The following PPP2R2B variants were observed in gnomAD, a reference collection of about 807,000 sequenced individuals.
The protein encoded by PPP2R2B is serine/threonine-protein phosphatase 2A 55 kDa regulatory subunit B beta isoform.
PPP2R2B carries 5 observed loss-of-function variants against 46.0 expected under a neutral mutation model. The ratio of observed to expected loss-of-function variants is 0.11; its 90% CI spans 0.06 to 0.23. The LOEUF (loss-of-function observed/expected upper bound fraction) is 0.23. PPP2R2B is among the 10% of genes least tolerant of loss of function. The pLI is 1.00. For missense variants in PPP2R2B, 367 were observed against 575.0 expected (o/e 0.64, Z 3.70); for synonymous variants, 215 against 206.7 (o/e 1.04, Z -0.34).
chr5:146,973,111 GT>G (rs1752739202), intron 1 of PPP2R2B, among the ~76,000 whole-genome samples: 1 of 152,056 alleles, frequency 6.6e-6, no homozygotes, highest in Non-Finnish European at 1.5e-5. Context: ...GTTATGTTAT[GT>G]CTTTGATCTA....
chr5:146,827,398 A>T (rs1280268373), intron 2 of PPP2R2B, among the ~76,000 whole-genome samples: 1 of 151,724 alleles, frequency 6.6e-6, no homozygotes, highest in Admixed American at 6.6e-5. Flanking sequence ...GTAAAATACA[A>T]TACGAATAAA....
intron 1 of PPP2R2B, among the ~76,000 whole-genome samples, chr5:146,972,389 A>G (rs1175525465): frequency 6.6e-6 from 1 of 152,160 alleles, no homozygotes; most frequent in Non-Finnish European, 1.5e-5. Flanking sequence ...ATCTCTGGAT[A>G]TGAATCACTA....
intron 2 of PPP2R2B, among the ~76,000 whole-genome samples, chr5:146,739,025 AT>A (rs5871990): frequency 0.86 from 130,075 of 150,854 alleles, 56,108 homozygotes; most frequent in Middle Eastern, 0.87. Flanking sequence ...AAGTGCACCT[AT>A]TTTTTTTTTA....
intron 1 of PPP2R2B, among the ~76,000 whole-genome samples, chr5:146,904,380 T>C (rs1271775148): frequency 1.3e-5 from 2 of 152,154 alleles, no homozygotes; most frequent in Non-Finnish European, 2.9e-5. Context: ...TGGCAGAAAG[T>C]AGGAAATCAA....
At chr5:147,020,273 C>G (rs183099579) in intron 1 of PPP2R2B, among the ~76,000 whole-genome samples, 1 of 151,940 alleles carries the variant, frequency 6.6e-6, no homozygotes, top group African/African-American at 2.4e-5. Flanking sequence ...TTCCTTGTAC[C>G]ATTTATTTAA....
rs115563981 is a variant in PPP2R2B, at chr5:146,831,958, T to C, written c.70+46044A>G. On this transcript the variant is annotated intron_variant, in intron 2 of 9. Coordinates refer to ENST00000394411, the MANE Select transcript of PPP2R2B (RefSeq NM_181675.4). ...ACAGTGACATTGATAATCCTGACCC[T>C]GTGTAGGCCTAAGGTAACATGTGTT... is the stretch of plus-strand genomic sequence containing the variant. Among the ~76,000 whole-genome samples, 326 of 152,320 alleles carry C rather than the reference T, an allele frequency of 2.1e-3. 1 individual carries two copies. The highest frequency in any genetic ancestry group is 7.6e-3 in the African/African-American group (315 of 41,566).
At chr5:146,748,228 T>C (rs927378075) in intron 2 of PPP2R2B, among the ~76,000 whole-genome samples, 1 of 152,192 alleles carries the variant, frequency 6.6e-6, no homozygotes, top group African/African-American at 2.4e-5. Flanking sequence ...TTTAAACCCA[T>C]GGCTGGTTGA....
At chr5:147,076,122 C>G (rs1313009838) in intron 2 of PPP2R2B, among the ~76,000 whole-genome samples, 1 of 152,082 alleles carries the variant, frequency 6.6e-6, no homozygotes. Flanking sequence ...ATCACTATAT[C>G]ACACTGCGTT....
chr5:146,681,534 T>A lies in PPP2R2B; in HGVS notation c.447+9594A>T, dbSNP rs187095880. On this transcript the variant is annotated intron_variant, in intron 5 of 9. Coordinates refer to ENST00000394411, the MANE Select transcript of PPP2R2B (RefSeq NM_181675.4). ...TACGCTTATAATTCAGATAATTTCA[T>A]CTGAAAAATTCAGAAAATAAAAGTA... Among the ~76,000 whole-genome samples, 10 of 152,328 alleles carry A rather than the reference T, an allele frequency of 6.6e-5. 1 individual carries two copies. The East Asian group carries it at 1.9e-3, about 29-fold the overall frequency.
At position 146,989,704 on chromosome 5, in the gene PPP2R2B, C is replaced by T. The variant is rs531429377; in HGVS notation, c.79+65961G>A. Among the ~76,000 whole-genome samples the T allele has an allele frequency of 4.6e-5, 7 of 152,154 alleles. No individual in the cohort carries two copies. The South Asian group carries it at 1.0e-3, about 23-fold the overall frequency. ...ATCTAGAACAACACAAGAATACCCA[C>T]GTTTACCACTTTATTTGACATAGTA... On this transcript the variant is annotated intron_variant, in intron 1 of 8. Transcript: ENST00000336640.
chr5:146,650,478 TC>T, intron 6 of PPP2R2B, 68 bp downstream of exon 6: 1 of 1,440,132 alleles, frequency 6.9e-7, no homozygotes, highest in Non-Finnish European at 9.5e-7. Flanking sequence ...CCATATTTTC[TC>T]CCAGCCCACT....
intron 1 of PPP2R2B, among the ~76,000 whole-genome samples, chr5:147,028,213 A>T (rs937299445): frequency 6.6e-6 from 1 of 152,172 alleles, no homozygotes; most frequent in Non-Finnish European, 1.5e-5. Flanking sequence ...ACTCAATAGG[A>T]CTTCTCATTT....
chr5:146,913,590 G>A (rs1475348737), intron 1 of PPP2R2B, among the ~76,000 whole-genome samples: 5 of 150,276 alleles, frequency 3.3e-5, no homozygotes, highest in Non-Finnish European at 7.4e-5. Context: ...CAGCTCACTC[G>A]GTCTCTTGAT....
At chr5:146,926,143 T>C (rs1313048704) in intron 1 of PPP2R2B, among the ~76,000 whole-genome samples, 1 of 152,018 alleles carries the variant, frequency 6.6e-6, no homozygotes, top group Admixed American at 6.6e-5. Flanking sequence ...TAACACAGAG[T>C]TTCTATTAAC....
At position 146,776,724 on chromosome 5, in the gene PPP2R2B, G is replaced by GA. The variant is rs200916579; in HGVS notation, c.71-75583dup. Reference sequence around the variant, plus strand: ...AGTGAAAATACAACCCACAGAATAGGAAAAAAATTTGCAAATCATACATTT... The same window carrying GA: ...AGTGAAAATACAACCCACAGAATAGGAAAAAAAATTTGCAAATCATACATTT... On this transcript the variant is annotated intron_variant, in intron 2 of 9. Transcript: ENST00000394411. Among the ~76,000 whole-genome samples, 1,278 of 151,812 alleles carry GA rather than the reference G, an allele frequency of 8.4e-3. 28 individuals carry two copies. Among genetic ancestry groups the GA allele is most frequent in the African/African-American group, 0.029 (1,208 of 41,456 alleles).
chr5:146,669,385 C>T (rs1052339917), intron 5 of PPP2R2B, among the ~76,000 whole-genome samples: 3 of 151,870 alleles, frequency 2.0e-5, no homozygotes, highest in East Asian at 1.9e-4. Flanking sequence ...CTCTGAGCAT[C>T]GTGGGATGTT....
intron 4 of PPP2R2B, among the ~76,000 whole-genome samples, chr5:146,694,489 A>G (rs1779061324): frequency 6.6e-6 from 1 of 152,184 alleles, no homozygotes; most frequent in African/African-American, 2.4e-5. Context: ...CTTATCATGA[A>G]TGATAAATTG....
At chr5:146,828,254 C>CT (rs78614284) in intron 2 of PPP2R2B, among the ~76,000 whole-genome samples, 410 of 148,524 alleles carry the variant, frequency 2.8e-3, no homozygotes, top group East Asian at 0.018. Flanking sequence ...ATTACTTTTA[C>CT]TTTTTTTAAA....
chr5:147,054,700 G>A lies in PPP2R2B; in HGVS notation c.79+965C>T, dbSNP rs531719958. On this transcript the variant is annotated intron_variant, in intron 1 of 8. Coordinates refer to the PPP2R2B transcript ENST00000336640. The stretch of plus-strand genomic sequence containing the variant: ...AAGAGTGGGTTTTCAGAACAGGCTG[G>A]TCGCCAGCTCAGTTCCAAGAGAGTG... 13 of 456,180 alleles carry A rather than the reference G, an allele frequency of 2.8e-5. No homozygotes were observed. In the East Asian group the frequency reaches 8.3e-4, roughly 29 times the overall value. 28.3% of individuals were successfully genotyped at this position (456,180 alleles called of 1,614,324 possible).
Sources: allele counts gnomAD v4.1 joint callset (sites outside exome capture counted in the v4.1 genomes callset), GRCh38; gene constraint gnomAD v4.1.1; transcripts MANE v1.5; gene names NCBI Gene and HGNC (gene_info 2026-07-23, HGNC 2026-07-21).